The following ACVR1B variants were observed in gnomAD, a reference collection of about 807,000 sequenced individuals.
ACVR1B encodes activin receptor type-1B.
ACVR1B carries 15 observed loss-of-function variants against 55.6 expected under a neutral mutation model. The ratio of observed to expected loss-of-function variants is 0.27; its 90% CI spans 0.18 to 0.42. ACVR1B has a LOEUF of 0.42. Among genes scored for constraint, ACVR1B ranks in the 10% least tolerant of loss-of-function variants. ACVR1B has a pLI of 1.00. For missense variants in ACVR1B, 359 were observed against 670.1 expected (o/e 0.54, Z 5.13); for synonymous variants, 247 against 254.6 (o/e 0.97, Z 0.28).
rs756484057 is a variant in ACVR1B, at chr12:51,976,572, T to C, written c.577T>C (p.Ser193Pro). ...VYDLSTSGSG[S>P]GLPLFVQRTV... is the part of the protein sequence containing the mutation. ...CGATCTCTCCACCTCAGGGTCTGGC[T>C]CAGGTACCAAGTTCTTCAGGGCATC... Residue 193 changes from serine to proline, a missense_variant, in exon 3 of 9, where the codon TCA (serine) becomes CCA (proline). Ser to Pro is a moderately conservative substitution (Grantham distance 74). Transcript: ENST00000257963. 6.2e-7 allele frequency: 1 copy of C among 1,612,908 alleles called. No homozygotes were observed. The highest frequency in any genetic ancestry group is 1.1e-5 in the South Asian group (1 of 91,024).
At chr12:51,990,637 C>T (rs1290936099) in intron 7 of ACVR1B, among the ~76,000 whole-genome samples, 1 of 152,120 alleles carries the variant, frequency 6.6e-6, no homozygotes, top group East Asian at 1.9e-4. Flanking sequence ...CACTTAACAT[C>T]TAGTCAGTGT....
chr12:51,974,567 G>A (rs1231987645), intron 1 of ACVR1B, among the ~76,000 whole-genome samples: 1 of 152,070 alleles, frequency 6.6e-6, no homozygotes, highest in East Asian at 1.9e-4. Context: ...GCTATCCAGG[G>A]GCCTTTCAGG....
intron 1 of ACVR1B, among the ~76,000 whole-genome samples, chr12:51,959,710 G>A (rs993509793): frequency 6.6e-6 from 1 of 152,158 alleles, no homozygotes; most frequent in African/African-American, 2.4e-5. Flanking sequence ...AGGCATGAGG[G>A]TACTTGAGAC....
In ACVR1B at chr12:51,985,355, G is replaced by A. The variant is rs748496476; in HGVS notation, c.1136+7G>A. 1 of 1,609,476 alleles carries A rather than the reference G, an allele frequency of 6.2e-7. No individual in the cohort carries two copies. Among genetic ancestry groups the A allele is most frequent in the South Asian group, 1.1e-5 (1 of 90,316 alleles). On this transcript the variant is annotated splice_region_variant and intron_variant, in intron 6 of 8. Transcript: ENST00000257963. ...AGAGGGTGGGGACCAAACGGTAGGA[G>A]GGCCTGGGACTCTGCCCTTGCTAAG...
intron 1 of ACVR1B, among the ~76,000 whole-genome samples, chr12:51,971,075 G>A (rs1941738627): frequency 6.6e-6 from 1 of 152,128 alleles, no homozygotes; most frequent in African/African-American, 2.4e-5. Flanking sequence ...ACTGTGTGTG[G>A]CGGTTTTTGA....
intron 1 of ACVR1B, among the ~76,000 whole-genome samples, chr12:51,962,411 T>A (rs542342643): frequency 2.6e-5 from 4 of 152,218 alleles, no homozygotes; most frequent in Admixed American, 2.0e-4. Context: ...CCTGTAAAAT[T>A]TGACTTTATT....
At chr12:51,993,200 T>C (rs935372408) in intron 8 of ACVR1B, among the ~76,000 whole-genome samples, 1 of 152,212 alleles carries the variant, frequency 6.6e-6, no homozygotes, top group Non-Finnish European at 1.5e-5. Flanking sequence ...TTGACTCTAG[T>C]CACCTTGCCG....
intron 1 of ACVR1B, among the ~76,000 whole-genome samples, chr12:51,969,383 G>T (rs1346678917): frequency 3.3e-5 from 5 of 152,322 alleles, no homozygotes; most frequent in African/African-American, 1.2e-4. Flanking sequence ...ATGGAACACA[G>T]TCTATTTCTT....
intron 3 of ACVR1B, among the ~76,000 whole-genome samples, chr12:51,979,941 G>T (rs1014397739): frequency 1.3e-5 from 2 of 152,108 alleles, no homozygotes; most frequent in Non-Finnish European, 2.9e-5. Flanking sequence ...TAGGACAGGC[G>T]GACGGAGATG....
Position 51,975,472 on chromosome 12 carries a change from A to C in ACVR1B, c.299A>C (p.Tyr100Ser). The stretch of plus-strand genomic sequence containing the variant: ...AACACCCACTGCTGCTACACTGACT[A>C]CTGCAACAGGATCGACTTGAGGGTG... ...LRNTHCCYTD[Y>S]CNRIDLRVPS... Residue 100 changes from tyrosine to serine, a missense_variant, in exon 2 of 9, where the codon TAC becomes TCC. By Grantham distance (144) the Tyr-to-Ser change is moderately radical. This residue lies in a region of ACVR1B where 133 missense variants were observed against 188.2 expected (regional missense o/e 0.71). Coordinates refer to ENST00000257963, the MANE Select transcript of ACVR1B (RefSeq NM_004302.5). The C allele has an allele frequency of 6.2e-7, 1 of 1,614,168 alleles. No individual in the cohort carries two copies. Among genetic ancestry groups the C allele is most frequent in the Non-Finnish European group, 8.5e-7 (1 of 1,180,004 alleles).
intron 1 of ACVR1B, among the ~76,000 whole-genome samples, chr12:51,967,966 G>A (rs1432265777): frequency 3.3e-5 from 5 of 152,254 alleles, no homozygotes; most frequent in African/African-American, 1.2e-4. Flanking sequence ...TGGGCGCGGT[G>A]GCTCATGCCT....
chr12:51,987,415 C>A, intron 7 of ACVR1B: 2 of 397,990 alleles, frequency 5.0e-6, no homozygotes, highest in Admixed American at 4.1e-5. Context: ...GTTTTTTCTC[C>A]CATAGTTAAA....
rs1359139381 is a variant in ACVR1B at position 51,951,780 on chromosome 12, CTTG to C, written c.42_44del (p.Val15del). On this transcript the variant is annotated inframe_deletion, in exon 1 of 9. Transcript: ENST00000257963. ...GGCCGGAGCCTCCTCCTTCTTCCCCCTTGTTGTCCTCCTGCTCGCCGGCAGCGG... is the reference window on the plus strand; with the variant it reads ...GGCCGGAGCCTCCTCCTTCTTCCCCCTTGTCCTCCTGCTCGCCGGCAGCGG... 82 of 1,295,830 alleles carry C rather than the reference CTTG, an allele frequency of 6.3e-5. No homozygotes were observed. The highest frequency in any genetic ancestry group is 7.8e-5 in the Non-Finnish European group (79 of 1,013,440). The allele number at this position is 1,295,830 out of a possible 1,614,324, so 80.3% of individuals were successfully genotyped here. A position where few individuals can be genotyped will look rare whatever the true frequency, so the allele number is the denominator to read the frequency against.
intron 1 of ACVR1B, among the ~76,000 whole-genome samples, chr12:51,964,478 A>G (rs1941601660): frequency 6.6e-6 from 1 of 152,180 alleles, no homozygotes; most frequent in South Asian, 2.1e-4. Flanking sequence ...GATGAAGTCC[A>G]GTTTATCCAT....
Position 51,975,338 on chromosome 12 carries a change from C to T in ACVR1B, c.165C>T (p.Ser55=). Residue 55 remains serine (S), a synonymous_variant, in exon 2 of 9, where the codon TCC becomes TCT. Transcript: ENST00000257963. ...TCETDGACMV[S]IFNLDGMEHH... is the part of the protein sequence containing the mutation. Reference sequence around the variant, plus strand: ...AGACAGATGGGGCCTGCATGGTTTCCATTTTCAATCTGGATGGGATGGAGC... The same window carrying T: ...AGACAGATGGGGCCTGCATGGTTTCTATTTTCAATCTGGATGGGATGGAGC... 1.2e-6 allele frequency: 2 copies of T among 1,614,186 alleles called. No homozygotes were observed. Among genetic ancestry groups the T allele is most frequent in the Non-Finnish European group, 1.7e-6 (2 of 1,180,050 alleles).
chr12:51,981,747 G>T (rs1055868419), intron 4 of ACVR1B, among the ~76,000 whole-genome samples: 1 of 152,062 alleles, frequency 6.6e-6, no homozygotes, highest in Admixed American at 6.6e-5. Flanking sequence ...CAGGAGAATT[G>T]CTTGAACCCA....
intron 1 of ACVR1B, 53 bp downstream of exon 1, chr12:51,951,887 C>A: frequency 1.8e-6 from 2 of 1,121,200 alleles, no homozygotes; most frequent in Non-Finnish European, 1.1e-6. Flanking sequence ...CCGGCAAGGG[C>A]GAGGCCTCGA....
At chr12:51,973,124 G>T (rs1387794494) in intron 1 of ACVR1B, among the ~76,000 whole-genome samples, 1 of 152,228 alleles carries the variant, frequency 6.6e-6, no homozygotes, top group Non-Finnish European at 1.5e-5. Context: ...GAATCACTGT[G>T]AAAGAGGTTG....
chr12:51,990,663 C>G (rs761067513), intron 7 of ACVR1B, among the ~76,000 whole-genome samples: 3 of 152,112 alleles, frequency 2.0e-5, no homozygotes, highest in African/African-American at 4.8e-5. Flanking sequence ...TTTCCCCAGT[C>G]TCCTAAATTT....
Sources: allele counts gnomAD v4.1 joint callset (sites outside exome capture counted in the v4.1 genomes callset), GRCh38; gene constraint gnomAD v4.1.1; regional missense constraint gnomAD v4.1.1; transcripts MANE v1.5; gene names NCBI Gene and HGNC (gene_info 2026-07-23, HGNC 2026-07-21).